PTPRD: variants seen among roughly 807,000 people sequenced by gnomAD.
PTPRD encodes the protein protein tyrosine phosphatase receptor type D.
A neutral mutation model predicts 214.5 loss-of-function variants in PTPRD; 34 were observed. That is an observed-to-expected ratio of 0.16 (90% CI 0.12 to 0.21). The LOEUF is 0.21. Among genes scored for constraint, PTPRD ranks in the 10% least tolerant of loss-of-function variants. The pLI, the probability that PTPRD is intolerant of heterozygous loss-of-function variation, is 1.00. For synonymous variants in PTPRD, 1,128 were observed against 845.7 expected, an observed-to-expected ratio of 1.33 and a Z score of -5.79; for missense variants, 2,545 against 2,398.7, an observed-to-expected ratio of 1.06 and a Z score of -1.27.
intron 11 of PTPRD, among the ~76,000 whole-genome samples, chr9:8,824,258 G>C (rs765718749): frequency 2.0e-5 from 3 of 152,304 alleles, no homozygotes; most frequent in Non-Finnish European, 2.9e-5. Flanking sequence ...AGATGGAGTT[G>C]CTGTGGTTAG....
intron 9 of PTPRD, among the ~76,000 whole-genome samples, chr9:9,241,242 G>C (rs1212635217): frequency 6.6e-6 from 1 of 152,048 alleles, no homozygotes; most frequent in African/African-American, 2.4e-5. Context: ...CTATCTATTT[G>C]TTACAGCAAT....
chr9:9,765,684 G>A lies in PTPRD; in HGVS notation c.-326+1126C>T, dbSNP rs145014430. ...TTATTCGTTTATTTATTTTTGAGAC[G>A]GAGTCTCGCTCTGTCGCCCAGGCTG... On this transcript the variant is annotated intron_variant, in intron 6 of 45. Coordinates refer to ENST00000381196, the MANE Select transcript of PTPRD (RefSeq NM_002839.4). Among the ~76,000 whole-genome samples the A allele has an allele frequency of 3.5e-3, 535 of 152,162 alleles. 3 individuals are homozygous for A. The highest frequency in any genetic ancestry group is 5.4e-3 in the Non-Finnish European group (366 of 67,996).
At chr9:9,879,502 T>C (rs2067952358) in intron 5 of PTPRD, among the ~76,000 whole-genome samples, 1 of 152,198 alleles carries the variant, frequency 6.6e-6, no homozygotes. Flanking sequence ...TTTGGAAAAT[T>C]AAATAGAGGG....
intron 2 of PTPRD, among the ~76,000 whole-genome samples, chr9:10,355,562 T>C (rs1330062469): frequency 6.7e-6 from 1 of 149,936 alleles, no homozygotes; most frequent in Non-Finnish European, 1.5e-5. Context: ...CAATGCAACC[T>C]CCGCCTCCTG....
chr9:10,529,851 C>G (rs1314595723), intron 2 of PTPRD, among the ~76,000 whole-genome samples: 2 of 151,128 alleles, frequency 1.3e-5, no homozygotes, highest in African/African-American at 4.9e-5. Flanking sequence ...GGGAGTTGGA[C>G]AATGAGAACA....
intron 23 of PTPRD, among the ~76,000 whole-genome samples, chr9:8,501,881 C>T (rs1228785234): frequency 1.3e-5 from 2 of 152,136 alleles, no homozygotes; most frequent in Admixed American, 6.5e-5. Context: ...AAGAATTAGA[C>T]CCCACCAGCA....
At chr9:8,645,724 G>C (rs1440236190) in intron 12 of PTPRD, among the ~76,000 whole-genome samples, 1 of 151,928 alleles carries the variant, frequency 6.6e-6, no homozygotes, top group Non-Finnish European at 1.5e-5. Flanking sequence ...TCTCCCACTT[G>C]CACTTTCTAT....
intron 14 of PTPRD, among the ~76,000 whole-genome samples, chr9:8,627,928 G>T (rs949501412): frequency 2.6e-5 from 4 of 151,886 alleles, no homozygotes; most frequent in African/African-American, 9.7e-5. Context: ...GCATGGAAAT[G>T]AGGTACACAC....
intron 11 of PTPRD, among the ~76,000 whole-genome samples, chr9:8,751,028 G>A (rs1197738441): frequency 6.6e-6 from 1 of 151,996 alleles, no homozygotes; most frequent in African/African-American, 2.4e-5. Context: ...GAAGTCTTTT[G>A]ACCCTTTATA....
At chr9:8,500,558 G>GGAAAAAAAAAAAAAAAAAAAAAAA (rs2097373754) in intron 24 of PTPRD, among the ~76,000 whole-genome samples, 196 bp downstream of exon 24, 13 of 14,316 alleles carry the variant, frequency 9.1e-4, no homozygotes, top group Admixed American at 1.6e-3. Flanking sequence ...TGAAAAAAAT[G>GGAAAAAAAAAAAAAAAAAAAAAAA]AAAAAAAAAA....
chr9:8,424,777 G>A (rs762903498), intron 35 of PTPRD, among the ~76,000 whole-genome samples: 16 of 152,126 alleles, frequency 1.1e-4, no homozygotes, highest in Non-Finnish European at 1.9e-4. Flanking sequence ...TAAATCAGGG[G>A]TGTCTGTGAG....
intron 10 of PTPRD, among the ~76,000 whole-genome samples, chr9:9,156,441 A>C (rs961693267): frequency 2.0e-5 from 3 of 151,304 alleles, no homozygotes; most frequent in Admixed American, 6.6e-5. Flanking sequence ...ATATATAAAA[A>C]GTATTTATAA....
At chr9:8,720,256 C>G (rs2098478229) in intron 12 of PTPRD, among the ~76,000 whole-genome samples, 1 of 152,168 alleles carries the variant, frequency 6.6e-6, no homozygotes, top group Non-Finnish European at 1.5e-5. Context: ...TTCTCCCTCT[C>G]TGTGGGGTCC....
Position 8,857,452 on chromosome 9 carries a change from C to G in PTPRD, c.-103-123506G>C, listed in dbSNP as rs768013326. Among the ~76,000 whole-genome samples the G allele has an allele frequency of 7.7e-4, 118 of 152,276 alleles. 1 individual carries two copies. Among genetic ancestry groups the G allele is most frequent in the Non-Finnish European group, 1.4e-3 (93 of 68,016 alleles). ...AGAAGTGAACCCAGCAGGAGAGGAC[C>G]TCTGCCCGAGGAGGTCCAGAGGAGC... On this transcript the variant is annotated intron_variant, in intron 11 of 45. Transcript: ENST00000381196.
chr9:8,452,047 A>C (rs2095978642), intron 33 of PTPRD, among the ~76,000 whole-genome samples: 1 of 152,212 alleles, frequency 6.6e-6, no homozygotes, highest in Non-Finnish European at 1.5e-5. Context: ...TGTTGCAAAG[A>C]TGTGAGTCTC....
chr9:10,293,837 G>A (rs2095599181), intron 3 of PTPRD, among the ~76,000 whole-genome samples: 1 of 151,962 alleles, frequency 6.6e-6, no homozygotes, highest in African/African-American at 2.4e-5. Flanking sequence ...GAGACATGGA[G>A]TTAGATAGGT....
At chr9:8,613,117 G>A (rs1487079563) in intron 14 of PTPRD, among the ~76,000 whole-genome samples, 1 of 152,104 alleles carries the variant, frequency 6.6e-6, no homozygotes, top group African/African-American at 2.4e-5. Context: ...TGTGCGTGCT[G>A]GGCAAAGGGT....
intron 8 of PTPRD, among the ~76,000 whole-genome samples, chr9:9,425,294 C>T (rs1020940306): frequency 6.6e-6 from 1 of 151,192 alleles, no homozygotes; most frequent in African/African-American, 2.4e-5. Flanking sequence ...CGTTCAGAAT[C>T]ATGAGCAATA....
chr9:9,482,566 G>A (rs754814994), intron 8 of PTPRD, among the ~76,000 whole-genome samples: 9 of 152,096 alleles, frequency 5.9e-5, no homozygotes, highest in Non-Finnish European at 8.8e-5. Flanking sequence ...AGCATCACAA[G>A]TAAGCACACA....
Sources: allele counts gnomAD v4.1 joint callset (sites outside exome capture counted in the v4.1 genomes callset), GRCh38; gene constraint gnomAD v4.1.1; transcripts MANE v1.5; gene names NCBI Gene and HGNC (gene_info 2026-07-23, HGNC 2026-07-21).